Variants in USP22 observed in about 807,000 individuals in gnomAD.
USP22 encodes the protein ubiquitin carboxyl-terminal hydrolase 22.
USP22 carries 22 observed loss-of-function variants against 68.1 expected under a neutral mutation model. That is an observed-to-expected ratio of 0.32 (90% CI 0.23 to 0.46). The LOEUF is 0.46. USP22 is among the 20% of genes least tolerant of loss of function. The pLI, the probability that USP22 is intolerant of heterozygous loss-of-function variation, is 1.00. For synonymous variants in USP22, 279 were observed against 274.2 expected (o/e 1.02, Z -0.17); for missense variants, 433 against 695.8 (o/e 0.62, Z 4.25).
At chr17:21,018,328 C>G in intron 4 of USP22, 1 of 457,536 alleles carries the variant, frequency 2.2e-6, no homozygotes, top group Non-Finnish European at 3.9e-6. Flanking sequence ...CCCACTTCAG[C>G]CATTGTATGC....
intron 9 of USP22, among the ~76,000 whole-genome samples, chr17:21,007,261 C>G (rs974052368): frequency 1.3e-5 from 2 of 152,302 alleles, no homozygotes; most frequent in African/African-American, 4.8e-5. Flanking sequence ...CAGCAAAGCA[C>G]AGAAAACAAA....
intron 1 of USP22, among the ~76,000 whole-genome samples, chr17:21,038,659 C>T (rs1190999807): frequency 2.1e-5 from 3 of 143,948 alleles, no homozygotes; most frequent in Non-Finnish European, 1.5e-5. Flanking sequence ...GAGACAGACC[C>T]TGTCTCAAAA....
chr17:21,015,947 C>G, intron 5 of USP22, 48 bp from the exon 6 acceptor site: 4 of 1,600,214 alleles, frequency 2.5e-6, no homozygotes, highest in Non-Finnish European at 3.4e-6. Flanking sequence ...AATGTAGACT[C>G]TGAACACAGA....
At chr17:21,020,244 CAAAAAAAAAAAAAAAAAA>C (rs3047597) in intron 3 of USP22, among the ~76,000 whole-genome samples, 1 of 73,252 alleles carries the variant, frequency 1.4e-5, no homozygotes, top group African/African-American at 5.2e-5. Context: ...AATCAAAAAC[CAAAAAAAAAAAAAAAAAA>C]AAAAAAAGGA....
intron 12 of USP22, among the ~76,000 whole-genome samples, chr17:21,003,623 C>G (rs528059839): frequency 5.9e-5 from 9 of 152,214 alleles, no homozygotes; most frequent in African/African-American, 2.2e-4. Context: ...TGATGTGGGC[C>G]GGGCCCGGTG....
chr17:21,030,288 C>G (rs1469428763), intron 1 of USP22, among the ~76,000 whole-genome samples: 1 of 152,202 alleles, frequency 6.6e-6, no homozygotes, highest in East Asian at 1.9e-4. Context: ...ATGTTCAGTA[C>G]TGATGCACCT....
At chr17:21,037,660 C>CG (rs2143651296) in intron 1 of USP22, among the ~76,000 whole-genome samples, 1 of 152,256 alleles carries the variant, frequency 6.6e-6, no homozygotes, top group African/African-American at 2.4e-5. Context: ...CCCAAGAGGA[C>CG]GTGAAGACTC....
At chr17:21,007,021 AAAG>A (rs1913803851) in intron 9 of USP22, 34 bp from the exon 10 acceptor site, 7 of 1,544,750 alleles carry the variant, frequency 4.5e-6, no homozygotes, top group African/African-American at 1.4e-5. Context: ...AGGGAAGAGG[AAAG>A]AAGATCAGAA....
At chr17:21,014,672 G>A (rs1294345638) in intron 6 of USP22, among the ~76,000 whole-genome samples, 6 of 152,242 alleles carry the variant, frequency 3.9e-5, no homozygotes, top group Admixed American at 2.0e-4. Flanking sequence ...GCCTTGAGAC[G>A]GATGAGAAGC....
At chr17:21,017,663 G>A (rs920286027) in intron 5 of USP22, among the ~76,000 whole-genome samples, 3 of 152,198 alleles carry the variant, frequency 2.0e-5, no homozygotes, top group Non-Finnish European at 4.4e-5. Context: ...AGAATCACCC[G>A]TCTTTAGAGA....
At chr17:21,026,646 A>AG (rs1972223528) in intron 2 of USP22, among the ~76,000 whole-genome samples, 1 of 145,806 alleles carries the variant, frequency 6.9e-6, no homozygotes, top group Admixed American at 6.9e-5. Context: ...CTTTAAAAAA[A>AG]AAAATTAGTA....
intron 1 of USP22, among the ~76,000 whole-genome samples, chr17:21,041,607 AT>A (rs544092081): frequency 2.0e-4 from 30 of 150,790 alleles, no homozygotes; most frequent in Middle Eastern, 3.4e-3. Context: ...CAAAAAAATA[AT>A]TTTTTTTTTG....
intron 1 of USP22, among the ~76,000 whole-genome samples, chr17:21,036,315 G>C (rs927352935): frequency 6.6e-6 from 1 of 152,234 alleles, no homozygotes; most frequent in Non-Finnish European, 1.5e-5. Flanking sequence ...AAAGCACAAA[G>C]AGCAAACCTT....
At chr17:21,026,259 A>C (rs552162636) in intron 2 of USP22, among the ~76,000 whole-genome samples, 1 of 152,246 alleles carries the variant, frequency 6.6e-6, no homozygotes, top group Non-Finnish European at 1.5e-5. Context: ...CCAGATGTCC[A>C]TAAGAAAACA....
chr17:21,034,876 G>A (rs995709836), intron 1 of USP22, among the ~76,000 whole-genome samples: 1 of 152,154 alleles, frequency 6.6e-6, no homozygotes, highest in African/African-American at 2.4e-5. Flanking sequence ...TCTACAGTAA[G>A]AACAAATCTA....
intron 2 of USP22, among the ~76,000 whole-genome samples, chr17:21,027,878 G>C (rs992936701): frequency 6.6e-6 from 1 of 152,114 alleles, no homozygotes; most frequent in African/African-American, 2.4e-5. Flanking sequence ...TGAGGCAGGA[G>C]AACTGCTTGA....
At chr17:21,022,820 G>C (rs1187352126) in intron 2 of USP22, among the ~76,000 whole-genome samples, 1 of 145,366 alleles carries the variant, frequency 6.9e-6, no homozygotes. Context: ...AAAACCAAAT[G>C]AACCAGGATT....
In USP22 at chr17:21,000,759, C is replaced by A. The variant is rs1913540860; in HGVS notation, c.*2272G>T. 1 of 152,334 alleles carries A rather than the reference C, an allele frequency of 6.6e-6. No individual in the cohort carries two copies. The highest frequency in any genetic ancestry group is 2.1e-4 in the South Asian group (1 of 4,832). 9.4% of individuals were successfully genotyped at this position (152,334 alleles called of 1,614,324 possible). ...AACTCTCCTTTCCATTAGATTTGTT[C>A]CTAATTAAAAGACCACTCATAGGCC... is the stretch of plus-strand genomic sequence containing the variant. On this transcript the variant is annotated 3_prime_UTR_variant, in exon 13 of 13. Coordinates refer to ENST00000261497, the MANE Select transcript of USP22 (RefSeq NM_015276.2).
chr17:21,032,653 AAC>A (rs1972304303), intron 1 of USP22, among the ~76,000 whole-genome samples: 1 of 152,202 alleles, frequency 6.6e-6, no homozygotes, highest in African/African-American at 2.4e-5. Flanking sequence ...TAAAGTAGAA[AAC>A]ACAGCCAGGC....
Sources: allele counts gnomAD v4.1 joint callset (sites outside exome capture counted in the v4.1 genomes callset), GRCh38; gene constraint gnomAD v4.1.1; transcripts MANE v1.5; gene names NCBI Gene and HGNC (gene_info 2026-07-23, HGNC 2026-07-21).